The following MCPH1 variants were observed in gnomAD, a reference collection of about 807,000 sequenced individuals.
MCPH1 encodes the protein microcephalin.
MCPH1 carries 104 observed loss-of-function variants against 84.5 expected under a neutral mutation model. That is an observed-to-expected ratio of 1.23 (90% CI 1.05 to 1.45). The LOEUF (loss-of-function observed/expected upper bound fraction) is 1.45. Ranked by LOEUF, MCPH1 falls within the 40% of genes most tolerant of loss-of-function variation. The pLI, the probability that MCPH1 is intolerant of heterozygous loss-of-function variation, is 0.00. For missense variants in MCPH1, 1,498 were observed against 1,005.7 expected (o/e 1.49, Z -6.62); for synonymous variants, 514 against 366.8 (o/e 1.40, Z -4.58).
At chr8:6,407,034 C>T in intron 1 of MCPH1, 1 of 358,106 alleles carries the variant, frequency 2.8e-6, no homozygotes, top group Non-Finnish European at 5.2e-6. Flanking sequence ...CCGCTGCCTG[C>T]TCCCTCCCCC....
intron 12 of MCPH1, among the ~76,000 whole-genome samples, chr8:6,548,588 G>A (rs1430999902): frequency 6.6e-6 from 1 of 152,128 alleles, no homozygotes; most frequent in African/African-American, 2.4e-5. Context: ...ATGAGCCAAG[G>A]TACAGAAAGT....
At chr8:6,545,480 T>C (rs1215894648) in intron 12 of MCPH1, among the ~76,000 whole-genome samples, 1 of 152,240 alleles carries the variant, frequency 6.6e-6, no homozygotes, top group African/African-American at 2.4e-5. Context: ...TAGGAGCACC[T>C]AAATAATGCC....
chr8:6,455,221 A>G lies in MCPH1; in HGVS notation c.1904A>G (p.Glu635Gly). ...TTTAAGGACCTCATCAAACCTCATG[A>G]GGAATTGAAGAAAAGTGGGAGAGGC... ...DGFKDLIKPH[E>G]ELKKSGRGKK... The change falls in exon 9 of 14, where the codon GAG becomes GGG. Residue 635 changes from glutamate (E) to glycine (G), a missense_variant. By Grantham distance (98) the Glu-to-Gly change is moderately conservative. Coordinates refer to ENST00000344683, the MANE Select transcript of MCPH1 (RefSeq NM_024596.5). 6.2e-7 allele frequency: 1 copy of G among 1,614,032 alleles called. No homozygotes were observed. Among genetic ancestry groups the G allele is most frequent in the Non-Finnish European group, 8.5e-7 (1 of 1,179,916 alleles).
chr8:6,439,324 C>T (rs925737634), intron 6 of MCPH1, among the ~76,000 whole-genome samples: 10 of 149,428 alleles, frequency 6.7e-5, no homozygotes, highest in Non-Finnish European at 1.0e-4. Flanking sequence ...TTTGTTGTAG[C>T]TCCTTTGTAA....
At chr8:6,505,239 A>AGT (rs1554514577) in intron 12 of MCPH1, among the ~76,000 whole-genome samples, 1 of 60,882 alleles carries the variant, frequency 1.6e-5, no homozygotes, top group Non-Finnish European at 2.8e-5. Flanking sequence ...GTATATATAG[A>AGT]ATATATATTC....
rs1294842940 is a variant in MCPH1, at chr8:6,621,455, T to G, written c.2216T>G (p.Leu739Arg). 9 of 1,613,866 alleles carry G rather than the reference T, an allele frequency of 5.6e-6. No individual in the cohort carries two copies. The African/African-American group carries it at 1.1e-4, about 19-fold the overall frequency. Reference sequence around the variant, plus strand: ...ATTCTATCTCTGTCTGCCCCACAGCTGTGCCGAAGCGAGTGCCACTTGTCT... The same window carrying G: ...ATTCTATCTCTGTCTGCCCCACAGCGGTGCCGAAGCGAGTGCCACTTGTCT... ...ELSHHFPAAPLCRSECHLSAG... is the reference protein window; with the variant it reads ...ELSHHFPAAPRCRSECHLSAG... The change falls in exon 13 of 14, where the codon CTG becomes CGG. Residue 739 changes from leucine (L) to arginine (R), a missense_variant and splice_region_variant. Leu to Arg is a moderately radical substitution (Grantham distance 102). Transcript: ENST00000344683.
chr8:6,511,936 C>G (rs1005234611), intron 12 of MCPH1, among the ~76,000 whole-genome samples: 1 of 147,204 alleles, frequency 6.8e-6, no homozygotes, highest in African/African-American at 2.5e-5. Flanking sequence ...TTGTAGATTC[C>G]TAACTGTTGC....
intron 3 of MCPH1, among the ~76,000 whole-genome samples, chr8:6,415,200 C>A (rs995602603): frequency 6.6e-6 from 1 of 151,994 alleles, no homozygotes; most frequent in African/African-American, 2.4e-5. Context: ...TAACAAAGGA[C>A]CACAGAATGG....
At chr8:6,453,835 C>T (rs1473917193) in intron 8 of MCPH1, among the ~76,000 whole-genome samples, 3 of 152,098 alleles carry the variant, frequency 2.0e-5, no homozygotes, top group African/African-American at 7.2e-5. Flanking sequence ...CGGGATCAGT[C>T]AGGATGTGAC....
At chr8:6,418,114 C>G (rs550578744) in intron 3 of MCPH1, among the ~76,000 whole-genome samples, 2 of 152,248 alleles carry the variant, frequency 1.3e-5, no homozygotes, top group South Asian at 2.1e-4. Flanking sequence ...TTTGGGGTTT[C>G]TCCTATGGTT....
At chr8:6,412,541 G>A (rs1798682954) in intron 2 of MCPH1, among the ~76,000 whole-genome samples, 1 of 152,190 alleles carries the variant, frequency 6.6e-6, no homozygotes, top group African/African-American at 2.4e-5. Flanking sequence ...CAGACTACAG[G>A]CCTGTGAGGG....
intron 9 of MCPH1, among the ~76,000 whole-genome samples, chr8:6,467,652 G>T (rs778151420): frequency 6.6e-6 from 1 of 152,094 alleles, no homozygotes; most frequent in African/African-American, 2.4e-5. Flanking sequence ...CTGGAGTGCC[G>T]TGGCGAGATC....
In MCPH1 at chr8:6,648,358, C is replaced by G. The variant is rs887157358; in HGVS notation, c.*5309C>G. 2.0e-5 allele frequency: 3 copies of G among 152,244 alleles called. No homozygotes were observed. The highest frequency in any genetic ancestry group is 2.0e-4 in the Admixed American group (3 of 15,286). 9.4% of individuals were successfully genotyped at this position (152,244 alleles called of 1,614,324 possible). A position where few individuals can be genotyped will look rare whatever the true frequency, so the allele number is the denominator to read the frequency against. ...ATCTCTTGCTCTTTGAACTCCATGTCTGTATCAGCTACCCAGAGGACCCAT... is the reference window on the plus strand; with the variant it reads ...ATCTCTTGCTCTTTGAACTCCATGTGTGTATCAGCTACCCAGAGGACCCAT... On this transcript the variant is annotated 3_prime_UTR_variant, in exon 14 of 14. Transcript: ENST00000344683.
intron 12 of MCPH1, among the ~76,000 whole-genome samples, chr8:6,525,955 C>A (rs1818245234): frequency 6.6e-6 from 1 of 151,854 alleles, no homozygotes; most frequent in Non-Finnish European, 1.5e-5. Context: ...AATTTGAAAC[C>A]CAAGTGGGGA....
At chr8:6,587,483 A>G (rs1338007832) in intron 12 of MCPH1, among the ~76,000 whole-genome samples, 3 of 152,128 alleles carry the variant, frequency 2.0e-5, no homozygotes, top group Non-Finnish European at 4.4e-5. Context: ...TCACCCCTAC[A>G]CTGAAGATAT....
chr8:6,591,948 G>A (rs1055148254), intron 12 of MCPH1, among the ~76,000 whole-genome samples: 8 of 152,136 alleles, frequency 5.3e-5, no homozygotes, highest in Admixed American at 4.6e-4. Context: ...AATGCTGGGG[G>A]AAACCTATGG....
intron 13 of MCPH1, chr8:6,626,916 C>T: frequency 1.0e-6 from 1 of 983,958 alleles, no homozygotes; most frequent in South Asian, 4.7e-5. Context: ...GTCTGGGCTC[C>T]ATTCAAGTGA....
chr8:6,450,715 G>C lies in MCPH1; in HGVS notation c.1826-4428G>C, dbSNP rs576510431. ...GCTTTTAACAAAGCATCTAATATTG[G>C]GCTGGATGATTTACAGGAGTTGGGG... On this transcript the variant is annotated intron_variant, in intron 8 of 13. Transcript: ENST00000344683. Among the ~76,000 whole-genome samples the C allele has an allele frequency of 3.3e-5, 5 of 151,938 alleles. No individual in the cohort carries two copies. The East Asian group carries it at 9.7e-4, about 29-fold the overall frequency.
At chr8:6,473,953 G>A (rs1808099765) in intron 9 of MCPH1, 2 of 1,321,550 alleles carry the variant, frequency 1.5e-6, no homozygotes, top group African/African-American at 1.5e-5. Context: ...CTTCTTCCTT[G>A]TAGGATGCCG....
Sources: gnomAD v4.1 joint callset for allele counts (sites outside exome capture counted in the v4.1 genomes callset) on GRCh38, gnomAD v4.1.1 for gene constraint, MANE v1.5 for transcripts, NCBI Gene and HGNC (gene_info 2026-07-23, HGNC 2026-07-21) for gene names.